The following KCNT2 variants were observed in gnomAD, a reference collection of about 807,000 sequenced individuals.
The protein encoded by KCNT2 is potassium channel subfamily T member 2.
A neutral mutation model predicts 153.8 loss-of-function variants in KCNT2; 67 were observed. The ratio of observed to expected loss-of-function variants is 0.44; its 90% CI spans 0.36 to 0.53. The LOEUF (loss-of-function observed/expected upper bound fraction) is 0.53. Among genes scored for constraint, KCNT2 ranks in the 20% least tolerant of loss-of-function variants. KCNT2 has a pLI of 0.00. For synonymous variants in KCNT2, 500 were observed against 458.8 expected (o/e 1.09, Z -1.15); for missense variants, 975 against 1,354.8 (o/e 0.72, Z 4.40).
At chr1:196,501,192 A>G (rs1680668555) in intron 1 of KCNT2, among the ~76,000 whole-genome samples, 1 of 152,216 alleles carries the variant, frequency 6.6e-6, no homozygotes, top group African/African-American at 2.4e-5. Flanking sequence ...TCAGCAATCC[A>G]ACTTCTGGGT....
intron 1 of KCNT2, among the ~76,000 whole-genome samples, chr1:196,565,340 T>C (rs1163179314): frequency 6.6e-6 from 1 of 151,682 alleles, no homozygotes; most frequent in African/African-American, 2.4e-5. Context: ...ATACTGTTGG[T>C]GGAAGTGTGA....
At chr1:196,443,968 G>T (rs888544303) in intron 8 of KCNT2, among the ~76,000 whole-genome samples, 1 of 151,136 alleles carries the variant, frequency 6.6e-6, no homozygotes, top group Non-Finnish European at 1.5e-5. Flanking sequence ...TAACTAAAAT[G>T]TAAGATATAT....
intron 1 of KCNT2, among the ~76,000 whole-genome samples, chr1:196,528,498 G>C (rs116732314): frequency 6.6e-6 from 1 of 152,050 alleles, no homozygotes; most frequent in Non-Finnish European, 1.5e-5. Context: ...CTTATTTTCC[G>C]ATGATATCTA....
At chr1:196,497,511 T>A (rs1237386261) in intron 1 of KCNT2, among the ~76,000 whole-genome samples, 1 of 152,178 alleles carries the variant, frequency 6.6e-6, no homozygotes, top group Non-Finnish European at 1.5e-5. Context: ...CATAGATTAT[T>A]ATGCAAATCT....
At chr1:196,496,794 T>G (rs571502452) in intron 1 of KCNT2, among the ~76,000 whole-genome samples, 1 of 152,216 alleles carries the variant, frequency 6.6e-6, no homozygotes, top group South Asian at 2.1e-4. Flanking sequence ...CAAACATCAA[T>G]ACTCATGCTA....
intron 13 of KCNT2, among the ~76,000 whole-genome samples, chr1:196,384,002 G>C (rs148230755): frequency 7.9e-4 from 120 of 152,230 alleles, no homozygotes; most frequent in Admixed American, 7.0e-3. Flanking sequence ...TTTTATACTT[G>C]AAATGTGCTG....
chr1:196,274,658 A>AAGTGGAAG (rs1658387381), intron 25 of KCNT2, among the ~76,000 whole-genome samples: 1 of 151,862 alleles, frequency 6.6e-6, no homozygotes, highest in African/African-American at 2.4e-5. Flanking sequence ...TCCACTATGC[A>AAGTGGAAG]CATTTTTGGA....
intron 1 of KCNT2, among the ~76,000 whole-genome samples, chr1:196,513,050 C>A (rs1681762737): frequency 6.6e-6 from 1 of 152,060 alleles, no homozygotes; most frequent in South Asian, 2.1e-4. Context: ...TGCTAATTTC[C>A]CCATGCCTAT....
intron 12 of KCNT2, among the ~76,000 whole-genome samples, chr1:196,403,655 G>A (rs1375291891): frequency 6.6e-6 from 1 of 151,230 alleles, no homozygotes; most frequent in Non-Finnish European, 1.5e-5. Flanking sequence ...AGGGGGAGAG[G>A]AGTGTAGGGG....
intron 14 of KCNT2, among the ~76,000 whole-genome samples, chr1:196,348,218 A>C (rs1025667045): frequency 1.3e-5 from 2 of 152,004 alleles, no homozygotes; most frequent in African/African-American, 4.8e-5. Context: ...AAAAAAAAAA[A>C]ACTGAGTTTC....
intron 13 of KCNT2, among the ~76,000 whole-genome samples, chr1:196,386,153 G>T (rs1008782090): frequency 9.2e-5 from 14 of 152,136 alleles, no homozygotes; most frequent in African/African-American, 3.1e-4. Flanking sequence ...TGGGAGCCAT[G>T]TAAGTAAACC....
intron 13 of KCNT2, among the ~76,000 whole-genome samples, chr1:196,384,077 G>A (rs1669739375): frequency 6.6e-6 from 1 of 152,126 alleles, no homozygotes; most frequent in African/African-American, 2.4e-5. Context: ...TGATGGATGT[G>A]CTAACTAACT....
chr1:196,497,513 T>C (rs1252376459), intron 1 of KCNT2, among the ~76,000 whole-genome samples: 1 of 152,178 alleles, frequency 6.6e-6, no homozygotes, highest in African/African-American at 2.4e-5. Context: ...TAGATTATTA[T>C]GCAAATCTTA....
At chr1:196,590,064 G>A (rs1043000691) in intron 1 of KCNT2, among the ~76,000 whole-genome samples, 21 of 151,882 alleles carry the variant, frequency 1.4e-4, no homozygotes, top group South Asian at 2.1e-4. Flanking sequence ...GTGTATCCCC[G>A]TAACAAAACT....
At chr1:196,284,972 T>C (rs1288926649) in intron 23 of KCNT2, among the ~76,000 whole-genome samples, 1 of 152,206 alleles carries the variant, frequency 6.6e-6, no homozygotes, top group Non-Finnish European at 1.5e-5. Context: ...TCTACGAATA[T>C]TTCTTTCTTC....
chr1:196,601,966 A>C (rs1664771305), intron 1 of KCNT2, among the ~76,000 whole-genome samples: 1 of 152,170 alleles, frequency 6.6e-6, no homozygotes, highest in African/African-American at 2.4e-5. Flanking sequence ...GACGTCTGTT[A>C]CTTAAATTAC....
At chr1:196,382,145 C>G (rs1384829757) in intron 13 of KCNT2, among the ~76,000 whole-genome samples, 1 of 136,196 alleles carries the variant, frequency 7.3e-6, no homozygotes, top group Non-Finnish European at 1.6e-5. Flanking sequence ...GTCCCCCAGG[C>G]TGGAATGCAG....
chr1:196,323,985 G>A (rs1663594749), intron 19 of KCNT2, among the ~76,000 whole-genome samples: 1 of 150,472 alleles, frequency 6.6e-6, no homozygotes, highest in South Asian at 2.1e-4. Flanking sequence ...AAAAAGAATT[G>A]CATAAAACTT....
At chr1:196,289,461 A>C (rs10922056) in intron 22 of KCNT2, among the ~76,000 whole-genome samples, 2,911 of 152,254 alleles carry the variant, frequency 0.019, 35 homozygotes, top group Middle Eastern at 0.044. Context: ...CCTGGCACAC[A>C]GTCAGTGACA....
Sources: allele counts gnomAD v4.1 joint callset (sites outside exome capture counted in the v4.1 genomes callset), GRCh38; gene constraint gnomAD v4.1.1; transcripts MANE v1.5; gene names NCBI Gene and HGNC (gene_info 2026-07-23, HGNC 2026-07-21).